The following TOMM20 variants were observed in gnomAD, a reference collection of about 807,000 sequenced individuals.
TOMM20 encodes the protein mitochondrial import receptor subunit TOM20 homolog.
A neutral mutation model predicts 22.1 loss-of-function variants in TOMM20; 10 were observed. The ratio of observed to expected loss-of-function variants is 0.45; its 90% CI spans 0.28 to 0.77. The LOEUF (loss-of-function observed/expected upper bound fraction) is 0.77. Ranked by LOEUF, TOMM20 falls within the 30% of genes least tolerant of loss-of-function variation. TOMM20 has a pLI of 0.13. For missense variants in TOMM20, 121 were observed against 172.2 expected (o/e 0.70, Z 1.66); for synonymous variants, 55 against 61.4 (o/e 0.90, Z 0.49).
At chr1:235,120,349 TGC>T (rs1213485551) in intron 2 of TOMM20, among the ~76,000 whole-genome samples, 2 of 152,114 alleles carry the variant, frequency 1.3e-5, no homozygotes, top group African/African-American at 4.8e-5. Flanking sequence ...CCCAGCTCAC[TGC>T]AACTCCCACC....
chr1:235,117,249 G>A (rs1028240684), intron 3 of TOMM20, among the ~76,000 whole-genome samples: 18 of 150,000 alleles, frequency 1.2e-4, no homozygotes, highest in African/African-American at 1.7e-4. Flanking sequence ...ACTTGAAGTC[G>A]GAGTTTGACT....
Position 235,120,973 on chromosome 1 carries a change from G to A in TOMM20, c.169-1074C>T, listed in dbSNP as rs576771741. 6.6e-5 allele frequency among the ~76,000 whole-genome samples: 10 copies of A among 152,056 alleles called. No homozygotes were observed. In the South Asian group the frequency reaches 8.3e-4, roughly 13 times the overall value. On this transcript the variant is annotated intron_variant, in intron 2 of 4. Coordinates refer to ENST00000366607, the MANE Select transcript of TOMM20 (RefSeq NM_014765.3). ...TCCCAGCACATTGGGAGTCCAAGGC[G>A]GGCAGATCACAAGGTCAAGAGATCG...
rs531344624 is a variant in TOMM20, at chr1:235,123,838, T to C, written c.122-1466A>G. ...TTCTCTTAAGGCAGAAAATAATGAG[T>C]GATAACAGACAACAATATCTAATTG... On this transcript the variant is annotated intron_variant, in intron 1 of 4. Transcript: ENST00000366607. Among the ~76,000 whole-genome samples the C allele has an allele frequency of 3.9e-5, 6 of 152,190 alleles. No individual in the cohort carries two copies. The South Asian group carries it at 1.2e-3, about 32-fold the overall frequency.
intron 2 of TOMM20, among the ~76,000 whole-genome samples, chr1:235,121,964 G>C (rs956078091): frequency 2.0e-5 from 3 of 152,194 alleles, no homozygotes; most frequent in Non-Finnish European, 4.4e-5. Flanking sequence ...TTCTTTTACA[G>C]GAAGTTGGAG....
At chr1:235,116,535 T>TA (rs1660830997) in intron 3 of TOMM20, among the ~76,000 whole-genome samples, 1 of 130,194 alleles carries the variant, frequency 7.7e-6, no homozygotes, top group African/African-American at 2.9e-5. Flanking sequence ...AGACTCCATC[T>TA]CAAAAAAAAA....
chr1:235,117,233 T>G (rs1223213354), intron 3 of TOMM20, among the ~76,000 whole-genome samples: 3 of 133,252 alleles, frequency 2.3e-5, no homozygotes, highest in East Asian at 2.3e-4. Context: ...CCAAGGCAGG[T>G]GGATCACTTG....
intron 3 of TOMM20, among the ~76,000 whole-genome samples, chr1:235,116,960 C>T (rs901781841): frequency 1.3e-5 from 2 of 150,352 alleles, no homozygotes; most frequent in South Asian, 2.1e-4. Context: ...ATGGTGAAAC[C>T]CCGTCTCTAC....
At chr1:235,116,193 G>A (rs986759074) in intron 3 of TOMM20, among the ~76,000 whole-genome samples, 4 of 151,764 alleles carry the variant, frequency 2.6e-5, no homozygotes, top group African/African-American at 9.7e-5. Context: ...GATCACCTAA[G>A]GTCAGTTCAA....
At chr1:235,112,924 T>C (rs1558127604) in intron 4 of TOMM20, among the ~76,000 whole-genome samples, 1 of 152,244 alleles carries the variant, frequency 6.6e-6, no homozygotes, top group Non-Finnish European at 1.5e-5. Flanking sequence ...GACAAAGTCC[T>C]TGGTTGTCCA....
rs1248939864 is a variant in TOMM20 at position 235,111,384 on chromosome 1, C to G, written c.*680G>C. On this transcript the variant is annotated 3_prime_UTR_variant, in exon 5 of 5. Coordinates refer to ENST00000366607, the MANE Select transcript of TOMM20 (RefSeq NM_014765.3). Reference sequence around the variant, plus strand: ...ACATTAACTAGCGAAGCTCACAAGGCTAGATTAGGGGTGTACAGAAATCTA... The same window carrying G: ...ACATTAACTAGCGAAGCTCACAAGGGTAGATTAGGGGTGTACAGAAATCTA... 1 of 152,240 alleles carries G rather than the reference C, an allele frequency of 6.6e-6. No homozygotes were observed. Among genetic ancestry groups the G allele is most frequent in the Non-Finnish European group, 1.5e-5 (1 of 68,058 alleles). 9.4% of individuals were successfully genotyped at this position (152,240 alleles called of 1,614,324 possible).
intron 1 of TOMM20, chr1:235,128,002 C>A (rs1358331298): frequency 4.5e-6 from 2 of 443,624 alleles, no homozygotes; most frequent in Admixed American, 5.1e-5. Flanking sequence ...ACGGTGAAAC[C>A]CCGTCTCTAC....
intron 4 of TOMM20, among the ~76,000 whole-genome samples, chr1:235,112,365 A>T (rs142679225): frequency 0.014 from 2,126 of 152,288 alleles, 28 homozygotes; most frequent in Non-Finnish European, 0.021. Flanking sequence ...TTTAATTCAG[A>T]TGGGGTCTCT....
At chr1:235,118,912 A>G (rs1312667438) in intron 3 of TOMM20, among the ~76,000 whole-genome samples, 1 of 152,158 alleles carries the variant, frequency 6.6e-6, no homozygotes, top group Non-Finnish European at 1.5e-5. Context: ...AATTCTATTG[A>G]TATCAAAAAA....
chr1:235,128,620 G>A lies in TOMM20; in HGVS notation c.96C>T (p.Pro32=). The change falls in exon 1 of 5, where the codon CCC becomes CCT. Residue 32 remains proline, a synonymous_variant. Transcript: ENST00000366607. ...IYFDRKRRSD[P]NFKNRLRERR... ...GTTCTCGAAGCCTGTTCTTGAAGTT[G>A]GGGTCACTTCGTCTTTTGCGGTCGA... is the stretch of plus-strand genomic sequence containing the variant. 1 of 1,613,200 alleles carries A rather than the reference G, an allele frequency of 6.2e-7. No homozygotes were observed. The highest frequency in any genetic ancestry group is 1.1e-5 in the South Asian group (1 of 91,032).
At chr1:235,114,914 G>C (rs1490648975) in intron 3 of TOMM20, among the ~76,000 whole-genome samples, 1 of 152,072 alleles carries the variant, frequency 6.6e-6, no homozygotes, top group African/African-American at 2.4e-5. Context: ...CTGCCACCCA[G>C]GCTGGAGTAC....
chr1:235,112,719 T>C (rs180778268), intron 4 of TOMM20, among the ~76,000 whole-genome samples: 56 of 152,274 alleles, frequency 3.7e-4, no homozygotes, highest in African/African-American at 1.3e-3. Context: ...ACACTGATAA[T>C]TGAGTGAAGG....
intron 4 of TOMM20, among the ~76,000 whole-genome samples, chr1:235,113,131 A>C (rs1660767302): frequency 1.3e-5 from 2 of 152,380 alleles, no homozygotes; most frequent in South Asian, 4.1e-4. Flanking sequence ...TATTCCAAAA[A>C]GCAAGATTCA....
chr1:235,117,045 G>T (rs1449393911), intron 3 of TOMM20, among the ~76,000 whole-genome samples: 1 of 147,114 alleles, frequency 6.8e-6, no homozygotes, highest in Admixed American at 6.9e-5. Flanking sequence ...TGAGGCAGGA[G>T]GATGACATGA....
chr1:235,116,641 G>A (rs763515265), intron 3 of TOMM20, among the ~76,000 whole-genome samples: 3 of 152,036 alleles, frequency 2.0e-5, no homozygotes, highest in Non-Finnish European at 2.9e-5. Flanking sequence ...AACCCGGGAG[G>A]TGGAAGTTGC....
Sources: allele counts gnomAD v4.1 joint callset (sites outside exome capture counted in the v4.1 genomes callset), GRCh38; gene constraint gnomAD v4.1.1; transcripts MANE v1.5; gene names NCBI Gene and HGNC (gene_info 2026-07-23, HGNC 2026-07-21).